Variants in ROS1 observed in about 807,000 individuals in gnomAD.
ROS1 encodes the protein ROS proto-oncogene 1, receptor tyrosine kinase, also known as proto-oncogene tyrosine-protein kinase ROS.
In ROS1, 263 loss-of-function variants were observed where a neutral mutation model predicts 273.5. The ratio of observed to expected loss-of-function variants is 0.96; its 90% CI spans 0.87 to 1.06. The LOEUF (loss-of-function observed/expected upper bound fraction) is 1.06. ROS1 is among the 50% of genes least tolerant of loss of function. ROS1 has a pLI of 0.00. For synonymous variants in ROS1, 1,008 were observed against 954.1 expected, an observed-to-expected ratio of 1.06 and a Z score of -1.04; for missense variants, 2,833 against 2,751.1, an observed-to-expected ratio of 1.03 and a Z score of -0.67.
chr6:117,399,253 T>A (rs1055443445), intron 7 of ROS1, among the ~76,000 whole-genome samples: 2 of 152,232 alleles, frequency 1.3e-5, no homozygotes, highest in African/African-American at 4.8e-5. Context: ...CCAATGTCCC[T>A]GCACGGTATT....
chr6:117,311,133 G>A lies in ROS1; in HGVS notation c.6118-16C>T. The A allele has an allele frequency of 6.7e-7, 1 of 1,494,716 alleles. No individual in the cohort carries two copies. The highest frequency in any genetic ancestry group is 9.2e-7 in the Non-Finnish European group (1 of 1,082,604). 92.6% of individuals were successfully genotyped at this position (1,494,716 alleles called of 1,614,324 possible). On this transcript the variant is annotated splice_polypyrimidine_tract_variant and intron_variant, in intron 39 of 43. Transcript: ENST00000368507. ...GACCATAAAACTGTAAGAAATGAAA[G>A]AAAAATTACAGGTAGTTATCTAGTT...
At chr6:117,298,833 T>C (rs1774452001) in intron 43 of ROS1, among the ~76,000 whole-genome samples, 1 of 152,248 alleles carries the variant, frequency 6.6e-6, no homozygotes, top group African/African-American at 2.4e-5. Flanking sequence ...CACTATGCCT[T>C]GCCCCCAGAT....
chr6:117,300,389 A>G (rs1159159444), intron 43 of ROS1, among the ~76,000 whole-genome samples: 1 of 152,120 alleles, frequency 6.6e-6, no homozygotes, highest in Admixed American at 6.5e-5. Context: ...AGCAACATGG[A>G]CAGACCTTAA....
intron 27 of ROS1, 68 bp downstream of exon 27, chr6:117,352,922 G>T: frequency 7.1e-7 from 1 of 1,407,854 alleles, no homozygotes; most frequent in Non-Finnish European, 9.9e-7. Flanking sequence ...CTTGGAGAAG[G>T]AGATGTTATG....
At chr6:117,380,409 T>C (rs890798868) in intron 17 of ROS1, among the ~76,000 whole-genome samples, 1 of 152,092 alleles carries the variant, frequency 6.6e-6, no homozygotes, top group Non-Finnish European at 1.5e-5. Flanking sequence ...AACCAACTTA[T>C]TCTCCAGAAG....
intron 5 of ROS1, among the ~76,000 whole-genome samples, chr6:117,408,242 A>C (rs1186592182): frequency 6.6e-6 from 1 of 151,846 alleles, no homozygotes; most frequent in African/African-American, 2.4e-5. Context: ...GAGCTTCTGC[A>C]CAGCAAAAGA....
At chr6:117,297,561 T>C (rs1156549489) in intron 43 of ROS1, among the ~76,000 whole-genome samples, 1 of 151,946 alleles carries the variant, frequency 6.6e-6, no homozygotes, top group Admixed American at 6.6e-5. Flanking sequence ...GAGCAAAGGA[T>C]GTGAATAGAT....
intron 31 of ROS1, among the ~76,000 whole-genome samples, chr6:117,338,943 T>G (rs1451265174): frequency 6.6e-6 from 1 of 152,134 alleles, no homozygotes; most frequent in Non-Finnish European, 1.5e-5. Context: ...ATGGTTCTGC[T>G]AGGGATTTGC....
intron 32 of ROS1, among the ~76,000 whole-genome samples, chr6:117,334,278 C>T (rs982521814): frequency 8.5e-5 from 13 of 152,122 alleles, no homozygotes; most frequent in Admixed American, 5.9e-4. Flanking sequence ...CCTACGAATA[C>T]AGCTAACAAG....
Position 117,389,352 on chromosome 6 carries a change from G to A in ROS1, c.1784C>T (p.Ala595Val), listed in dbSNP as rs747302749. The change falls in exon 13 of 44, where the codon GCC (alanine) becomes GTC (valine). Residue 595 changes from alanine to valine, a missense_variant and splice_region_variant. By Grantham distance (64) the Ala-to-Val change is moderately conservative. Coordinates refer to ENST00000368507, the MANE Select transcript of ROS1 (RefSeq NM_001378902.1). Reference protein sequence around the residue: ...QWKPPALAIGASPSAWQNWTY... With the variant: ...QWKPPALAIGVSPSAWQNWTY... The stretch of plus-strand genomic sequence containing the variant: ...CACACTGGGGACAGAGCACTCACTG[G>A]CTCCTATGGCAAGGGCAGGAGGCTT... 3 of 1,611,406 alleles carry A rather than the reference G, an allele frequency of 1.9e-6. No individual in the cohort carries two copies. The highest frequency in any genetic ancestry group is 1.7e-6 in the Non-Finnish European group (2 of 1,178,618).
chr6:117,365,973 T>C, intron 19 of ROS1, 103 bp downstream of exon 19: 1 of 1,034,628 alleles, frequency 9.7e-7, no homozygotes, highest in Non-Finnish European at 1.4e-6. Context: ...GAAACCTTAC[T>C]CCTCTTAAAA....
Position 117,394,736 on chromosome 6 carries a change from G to C in ROS1, c.886C>G (p.Gln296Glu), listed in dbSNP as rs1773357325. Reference sequence around the variant, plus strand: ...AAAAAGAGCCACTGTTCCTCTTGTTGAACTGAAAAAAACAACACAATTTGC... The same window carrying C: ...AAAAAGAGCCACTGTTCCTCTTGTTCAACTGAAAAAAACAACACAATTTGC... The part of the protein sequence containing the change: ...SSITTSSSAV[Q>E]QEEQWLFLSR... The change falls in exon 10 of 44, where the codon CAA becomes GAA. Residue 296 changes from glutamine (Q) to glutamate (E), a missense_variant and splice_region_variant. By Grantham distance (29) the Gln-to-Glu change is conservative. Transcript: ENST00000368507. 6.2e-7 allele frequency: 1 copy of C among 1,603,580 alleles called. No individual in the cohort carries two copies. Among genetic ancestry groups the C allele is most frequent in the African/African-American group, 1.3e-5 (1 of 74,098 alleles).
chr6:117,310,117 A>C lies in ROS1; in HGVS notation c.6380T>G (p.Leu2127Trp), dbSNP rs1582578243. ...LPVRWMAPES[L>W]MDGIFTTQSD... is the part of the protein sequence containing the mutation. ...TTGAGTAGTGAAGATTCCATCCATC[A>C]AACTTTCTGGAGCCATCCACCGAAC... Residue 2127 changes from leucine (L) to tryptophan (W), a missense_variant, in exon 41 of 44, where the codon TTG becomes TGG. Physicochemically the swap from Leu to Trp is moderately conservative, Grantham distance 61. Transcript: ENST00000368507. 5 of 1,613,374 alleles carry C rather than the reference A, an allele frequency of 3.1e-6. No homozygotes were observed. The highest frequency in any genetic ancestry group is 1.7e-5 in the Admixed American group (1 of 59,906).
chr6:117,320,449 C>A (rs892855708), intron 36 of ROS1, among the ~76,000 whole-genome samples: 2 of 151,994 alleles, frequency 1.3e-5, no homozygotes, highest in Admixed American at 1.3e-4. Context: ...TGACATCTTA[C>A]GTAAAACAAA....
chr6:117,381,245 T>A (rs1772113767), intron 17 of ROS1, among the ~76,000 whole-genome samples: 1 of 151,666 alleles, frequency 6.6e-6, no homozygotes, highest in Non-Finnish European at 1.5e-5. Context: ...ATTTTTAACT[T>A]CAATAGCTTT....
chr6:117,369,326 T>C (rs561344813), intron 18 of ROS1, among the ~76,000 whole-genome samples: 1 of 152,314 alleles, frequency 6.6e-6, no homozygotes, highest in South Asian at 2.1e-4. Context: ...CTCTACTTTA[T>C]ATTGAGTCTG....
At chr6:117,295,552 A>T (rs866138090) in intron 43 of ROS1, among the ~76,000 whole-genome samples, 1 of 152,230 alleles carries the variant, frequency 6.6e-6, no homozygotes, top group African/African-American at 2.4e-5. Flanking sequence ...GTGAAGGGAC[A>T]ATCCACAGAA....
chr6:117,315,855 A>G (rs576620869), intron 39 of ROS1, among the ~76,000 whole-genome samples: 1 of 152,232 alleles, frequency 6.6e-6, no homozygotes, highest in African/African-American at 2.4e-5. Flanking sequence ...GGAAGTGTCC[A>G]AGAAAAAATT....
Position 117,337,260 on chromosome 6 carries a change from T to C in ROS1, c.5142A>G (p.Gln1714=). ...PAYVCNITNL[Q]PYTSYNVRVV... is the part of the protein sequence containing the mutation. ...CTCTGACATTATATGAAGTATAAGGTTGTAGATTTGTGATATTACAGACAT... is the reference window on the plus strand; with the variant it reads ...CTCTGACATTATATGAAGTATAAGGCTGTAGATTTGTGATATTACAGACAT... Residue 1714 remains glutamine, a synonymous_variant, in exon 32 of 44, where the codon CAA becomes CAG. Coordinates refer to ENST00000368507, the MANE Select transcript of ROS1 (RefSeq NM_001378902.1). The C allele has an allele frequency of 1.9e-6, 3 of 1,612,590 alleles. No individual in the cohort carries two copies. The highest frequency in any genetic ancestry group is 1.7e-5 in the Admixed American group (1 of 59,898).
Sources: gnomAD v4.1 joint callset for allele counts (sites outside exome capture counted in the v4.1 genomes callset) on GRCh38, gnomAD v4.1.1 for gene constraint, MANE v1.5 for transcripts, NCBI Gene and HGNC (gene_info 2026-07-23, HGNC 2026-07-21) for gene names.